KCNT2: variants seen among roughly 807,000 people sequenced by gnomAD.
KCNT2 encodes potassium sodium-activated channel subfamily T member 2, also known as potassium channel subfamily T member 2.
In KCNT2, 67 loss-of-function variants were observed where a neutral mutation model predicts 153.8. The observed-to-expected ratio is 0.44, with a 90% CI of 0.36 to 0.53. KCNT2 has a LOEUF of 0.53. Among genes scored for constraint, KCNT2 ranks in the 20% least tolerant of loss-of-function variants. The pLI, the probability that KCNT2 is intolerant of heterozygous loss-of-function variation, is 0.00. For synonymous variants in KCNT2, 500 were observed against 458.8 expected, an observed-to-expected ratio of 1.09 and a Z score of -1.15; for missense variants, 975 against 1,354.8, an observed-to-expected ratio of 0.72 and a Z score of 4.40.
At chr1:196,434,926 A>G (rs1674486394) in intron 8 of KCNT2, among the ~76,000 whole-genome samples, 1 of 151,278 alleles carries the variant, frequency 6.6e-6, no homozygotes, top group Admixed American at 6.6e-5. Context: ...TTCTCTTCCA[A>G]TTGCCAGACA....
intron 12 of KCNT2, chr1:196,404,044 T>A (rs1247542140): frequency 2.8e-6 from 1 of 358,968 alleles, no homozygotes; most frequent in Non-Finnish European, 3.9e-6. Flanking sequence ...TATCCCAAAC[T>A]GAACTCATCT....
intron 1 of KCNT2, among the ~76,000 whole-genome samples, chr1:196,547,258 C>A (rs1293905553): frequency 6.6e-6 from 1 of 151,772 alleles, no homozygotes; most frequent in Non-Finnish European, 1.5e-5. Context: ...ATTAGTGAGA[C>A]AATTATACCC....
chr1:196,382,915 G>T (rs146846756), intron 13 of KCNT2, among the ~76,000 whole-genome samples: 3 of 152,104 alleles, frequency 2.0e-5, no homozygotes, highest in East Asian at 3.9e-4. Flanking sequence ...TTTTCCAGGA[G>T]TGCCAGTCAA....
chr1:196,279,482 G>T (rs1658892761), intron 25 of KCNT2, among the ~76,000 whole-genome samples: 2 of 151,872 alleles, frequency 1.3e-5, no homozygotes, highest in Non-Finnish European at 2.9e-5. Flanking sequence ...GAGTGCAGTG[G>T]CGTGATCTTG....
At chr1:196,283,830 AG>A (rs1271088758) in intron 23 of KCNT2, among the ~76,000 whole-genome samples, 1 of 152,182 alleles carries the variant, frequency 6.6e-6, no homozygotes, top group Non-Finnish European at 1.5e-5. Flanking sequence ...ATGAGCAGAA[AG>A]GGTAAGTGTT....
intron 1 of KCNT2, among the ~76,000 whole-genome samples, chr1:196,525,255 A>G (rs1042839745): frequency 6.6e-6 from 1 of 152,178 alleles, no homozygotes; most frequent in East Asian, 1.9e-4. Context: ...TCTGCACAGC[A>G]AATTCCCAGA....
chr1:196,600,767 T>C (rs532484443), intron 1 of KCNT2, among the ~76,000 whole-genome samples: 1 of 152,336 alleles, frequency 6.6e-6, no homozygotes, highest in South Asian at 2.1e-4. Context: ...GGTCATTTGC[T>C]GATACCTTTA....
Position 196,423,080 on chromosome 1 carries a change from A to G in KCNT2, c.1155T>C (p.Ser385=). The change falls in exon 12 of 28, where the codon AGT becomes AGC. Residue 385 remains serine, a synonymous_variant. Coordinates refer to ENST00000294725, the MANE Select transcript of KCNT2 (RefSeq NM_198503.5). ...ATGTCCTATCCACTTCACAACGGCT[A>G]CTGAGAATAAAACAGGCCTCAGCGT... The part of the protein sequence containing the change: ...MDDAEACFIL[S]SRCEVDRTSS... 1 of 1,605,360 alleles carries G rather than the reference A, an allele frequency of 6.2e-7. No individual in the cohort carries two copies. The highest frequency in any genetic ancestry group is 1.3e-5 in the African/African-American group (1 of 74,710).
At chr1:196,480,853 C>A (rs1678953739) in intron 4 of KCNT2, among the ~76,000 whole-genome samples, 1 of 38,144 alleles carries the variant, frequency 2.6e-5, no homozygotes, top group African/African-American at 1.1e-4. Context: ...GAGACTTCGT[C>A]TCAAAAAAAA....
chr1:196,381,433 C>G (rs536295818), intron 13 of KCNT2, among the ~76,000 whole-genome samples: 8 of 151,706 alleles, frequency 5.3e-5, no homozygotes, highest in African/African-American at 1.9e-4. Context: ...AATAATAATA[C>G]TAAATAATAT....
chr1:196,595,996 A>T (rs1353929663), intron 1 of KCNT2, among the ~76,000 whole-genome samples: 1 of 150,224 alleles, frequency 6.7e-6, no homozygotes, highest in East Asian at 1.9e-4. Context: ...AGCTCCATCC[A>T]AGTTGCTCCA....
At chr1:196,390,284 A>G (rs1670359406) in intron 13 of KCNT2, among the ~76,000 whole-genome samples, 1 of 151,652 alleles carries the variant, frequency 6.6e-6, no homozygotes, top group African/African-American at 2.4e-5. Flanking sequence ...CAATCACTGG[A>G]CATATAAACT....
chr1:196,585,710 A>T (rs532433806), intron 1 of KCNT2, among the ~76,000 whole-genome samples: 1 of 152,272 alleles, frequency 6.6e-6, no homozygotes, highest in Non-Finnish European at 1.5e-5. Context: ...ATCAAAAAAG[A>T]AAAGGACATT....
At chr1:196,533,721 T>C (rs1655218806) in intron 1 of KCNT2, among the ~76,000 whole-genome samples, 1 of 152,146 alleles carries the variant, frequency 6.6e-6, no homozygotes, top group Non-Finnish European at 1.5e-5. Flanking sequence ...TCTATTGTGG[T>C]TGGCATCATA....
At chr1:196,242,134 C>A (rs2102262025) in intron 26 of KCNT2, among the ~76,000 whole-genome samples, 1 of 152,098 alleles carries the variant, frequency 6.6e-6, no homozygotes, top group East Asian at 1.9e-4. Context: ...TAGTTTCTTT[C>A]AAAATACTAT....
intron 1 of KCNT2, among the ~76,000 whole-genome samples, chr1:196,572,639 G>T (rs1660911997): frequency 6.6e-6 from 1 of 151,996 alleles, no homozygotes; most frequent in South Asian, 2.1e-4. Context: ...CTTTCTAAGG[G>T]TGATGGATAC....
chr1:196,494,459 G>A (rs112591749), intron 1 of KCNT2, among the ~76,000 whole-genome samples: 2,630 of 152,086 alleles, frequency 0.017, 79 homozygotes, highest in African/African-American at 0.059. Flanking sequence ...GAGTGCAGTG[G>A]CGCGATCTCA....
chr1:196,345,634 T>G (rs1436553277), intron 14 of KCNT2, among the ~76,000 whole-genome samples: 1 of 152,178 alleles, frequency 6.6e-6, no homozygotes, highest in Non-Finnish European at 1.5e-5. Flanking sequence ...CTGGTCATTG[T>G]GTTGAAAACA....
At chr1:196,593,652 T>C (rs953970878) in intron 1 of KCNT2, among the ~76,000 whole-genome samples, 2 of 151,894 alleles carry the variant, frequency 1.3e-5, no homozygotes, top group Non-Finnish European at 2.9e-5. Flanking sequence ...AAACATCTCA[T>C]GTACCCCAAA....
Sources: gnomAD v4.1 joint callset for allele counts (sites outside exome capture counted in the v4.1 genomes callset) on GRCh38, gnomAD v4.1.1 for gene constraint, MANE v1.5 for transcripts, NCBI Gene and HGNC (gene_info 2026-07-23, HGNC 2026-07-21) for gene names.